Variants in COL6A3 observed in about 807,000 individuals in gnomAD.
COL6A3 encodes collagen type VI alpha 3 chain.
In COL6A3, 137 loss-of-function variants were observed where a neutral mutation model predicts 274.1. That is an observed-to-expected ratio of 0.50 (90% confidence interval 0.44 to 0.58). The LOEUF is 0.58. Ranked by LOEUF, COL6A3 falls within the 20% of genes least tolerant of loss-of-function variation. The pLI is 0.00. For missense variants in COL6A3, 3,950 were observed against 4,124.9 expected (o/e 0.96, Z 1.16); for synonymous variants, 1,650 against 1,650.6 (o/e 1.00, Z 0.01).
chr2:237,340,926 C>G lies in COL6A3; in HGVS notation c.7990G>C (p.Val2664Leu), dbSNP rs775630107. ...DPKASQHFAR[V>L]AVVQHAPSES... is the part of the protein sequence containing the mutation. ...GAGGGCGCGTGCTGCACAACTGCCA[C>G]TCTGGCGAAGTGCTGGGAGGCCTTG... Residue 2664 changes from valine to leucine, a missense_variant, in exon 38 of 44, where the codon GTG becomes CTG. By Grantham distance (32) the Val-to-Leu change is conservative. Coordinates refer to ENST00000295550, the MANE Select transcript of COL6A3 (RefSeq NM_004369.4). 3.7e-6 allele frequency: 6 copies of G among 1,613,398 alleles called. No homozygotes were observed. Among genetic ancestry groups the G allele is most frequent in the Non-Finnish European group, 5.1e-6 (6 of 1,179,370 alleles).
chr2:237,354,892 G>C lies in COL6A3; in HGVS notation c.6627+7C>G. Reference sequence around the variant, plus strand: ...AGAGTCTCCAGGGGGCACTGCATGAGGCTCACCTTAGCTCCGGGGGGTCCC... The same window carrying C: ...AGAGTCTCCAGGGGGCACTGCATGACGCTCACCTTAGCTCCGGGGGGTCCC... On this transcript the variant is annotated splice_region_variant and intron_variant, in intron 24 of 43. Transcript: ENST00000295550. 6.2e-7 allele frequency: 1 copy of C among 1,613,578 alleles called. No individual in the cohort carries two copies. Among genetic ancestry groups the C allele is most frequent in the Non-Finnish European group, 8.5e-7 (1 of 1,179,782 alleles).
Position 237,361,328 on chromosome 2 carries a change from G to A in COL6A3, c.6157-154C>T, listed in dbSNP as rs929863431. 2.0e-5 allele frequency among the ~76,000 whole-genome samples: 3 copies of A among 152,130 alleles called. No individual in the cohort carries two copies. The highest frequency in any genetic ancestry group is 7.2e-5 in the African/African-American group (3 of 41,436). On this transcript the variant is annotated intron_variant, in intron 15 of 43. Transcript: ENST00000295550. This position sits in a 1 kb window ranked among gnomAD's most constrained non-coding sequence, Gnocchi z 5.1. ...TTTTCCCCTCAGTACACCATGTCAC[G>A]ATTCTCTCTATCAGGATCTCTAAGG... is the stretch of plus-strand genomic sequence containing the variant.
intron 3 of COL6A3, among the ~76,000 whole-genome samples, chr2:237,389,062 T>C (rs555433365): frequency 2.0e-5 from 3 of 152,292 alleles, no homozygotes; most frequent in East Asian, 1.9e-4. Flanking sequence ...AGAAGGACCA[T>C]GAGCATCGAA....
At chr2:237,351,288 C>A in intron 26 of COL6A3, 96 bp from the exon 27 acceptor site, 1 of 1,191,396 alleles carries the variant, frequency 8.4e-7, no homozygotes, top group South Asian at 1.2e-5. Flanking sequence ...GAAGTCAGAG[C>A]CCGCCAGGGG....
chr2:237,355,283 A>T (rs2077294330), intron 23 of COL6A3: 2 of 271,766 alleles, frequency 7.4e-6, no homozygotes, highest in African/African-American at 4.3e-5. Flanking sequence ...TGAAAAGGGA[A>T]TGTCAACCTG....
chr2:237,380,551 A>C (rs2077975760), intron 5 of COL6A3, among the ~76,000 whole-genome samples: 1 of 152,208 alleles, frequency 6.6e-6, no homozygotes, highest in African/African-American at 2.4e-5. Context: ...GGAAAGCTAC[A>C]TCCTGGTGAT....
intron 3 of COL6A3, among the ~76,000 whole-genome samples, chr2:237,391,464 G>A (rs896134826): frequency 5.9e-5 from 9 of 152,128 alleles, no homozygotes; most frequent in Admixed American, 3.3e-4. Context: ...ATAACAAAAC[G>A]TCAATAAAAG....
intron 3 of COL6A3, among the ~76,000 whole-genome samples, chr2:237,393,129 T>C (rs533508536): frequency 2.0e-5 from 3 of 152,340 alleles, no homozygotes; most frequent in African/African-American, 7.2e-5. Context: ...ATTTCCTTAC[T>C]GAGAAAATTT....
At chr2:237,324,879 C>T (rs1287285600) in intron 43 of COL6A3, 65 bp from the exon 44 acceptor site, 4 of 1,537,484 alleles carry the variant, frequency 2.6e-6, no homozygotes, top group Non-Finnish European at 3.6e-6. Context: ...GGAAAAGCCA[C>T]ATTACTGACC....
chr2:237,349,847 T>C (rs2077169058), intron 28 of COL6A3, among the ~76,000 whole-genome samples: 1 of 152,216 alleles, frequency 6.6e-6, no homozygotes, highest in East Asian at 1.9e-4. Context: ...TTGCAAAGCA[T>C]TTGCGGGACC....
rs1199865498 is a variant in COL6A3, at chr2:237,348,673, G to A, written c.6880-10C>T. ...CTCTCCCGTCATCTCCCTAAGAGTGGGAAAGAGATGTGACTGTAGGTCGCC... is the reference window on the plus strand; with the variant it reads ...CTCTCCCGTCATCTCCCTAAGAGTGAGAAAGAGATGTGACTGTAGGTCGCC... On this transcript the variant is annotated splice_polypyrimidine_tract_variant and intron_variant, in intron 28 of 43. Transcript: ENST00000295550. 1 of 1,613,974 alleles carries A rather than the reference G, an allele frequency of 6.2e-7. No individual in the cohort carries two copies. Among genetic ancestry groups the A allele is most frequent in the Admixed American group, 1.7e-5 (1 of 60,022 alleles).
In COL6A3 at chr2:237,366,021, C is replaced by T. The variant is rs2077543530; in HGVS notation, c.5515G>A (p.Val1839Met). The change falls in exon 12 of 44, where the codon GTG becomes ATG. Residue 1839 changes from valine (V) to methionine (M), a missense_variant. By Grantham distance (21) the Val-to-Met change is conservative (BLOSUM62 1). This residue lies in a region of COL6A3 where 632 missense variants were observed against 623.4 expected (regional missense o/e 1.01). Coordinates refer to ENST00000295550, the MANE Select transcript of COL6A3 (RefSeq NM_004369.4). ...CTAGAACCATCAAACCCCAGAATCA[C>T]ATCCAGATTACAAGCTGGAAAGGAG... is the stretch of plus-strand genomic sequence containing the variant. The part of the protein sequence containing the change: ...TDAAKACNLD[V>M]ILGFDGSRDQ... 1 of 1,613,630 alleles carries T rather than the reference C, an allele frequency of 6.2e-7. No homozygotes were observed. Among genetic ancestry groups the T allele is most frequent in the Non-Finnish European group, 8.5e-7 (1 of 1,180,022 alleles).
At chr2:237,333,411 CT>C in intron 42 of COL6A3, 38 bp downstream of exon 42, 1 of 1,570,208 alleles carries the variant, frequency 6.4e-7, no homozygotes, top group Non-Finnish European at 8.8e-7. Flanking sequence ...TGGGTATTTT[CT>C]TAGTGCCATT....
chr2:237,393,130 G>A (rs948876934), intron 3 of COL6A3, among the ~76,000 whole-genome samples: 1 of 152,168 alleles, frequency 6.6e-6, no homozygotes, highest in Non-Finnish European at 1.5e-5. Context: ...TTTCCTTACT[G>A]AGAAAATTTT....
At chr2:237,409,431 C>T (rs932679142) in intron 1 of COL6A3, among the ~76,000 whole-genome samples, 1 of 152,134 alleles carries the variant, frequency 6.6e-6, no homozygotes, top group African/African-American at 2.4e-5. Context: ...TATATCCCCT[C>T]CCTGAACCTC....
chr2:237,383,950 T>C (rs2078077519), intron 4 of COL6A3, among the ~76,000 whole-genome samples: 1 of 152,188 alleles, frequency 6.6e-6, no homozygotes, highest in South Asian at 2.1e-4. Flanking sequence ...CCAGAGGCTC[T>C]GTCCCAGAGT....
At position 237,374,761 on chromosome 2, in the gene COL6A3, G is replaced by T. The variant is rs111328076; in HGVS notation, c.3330C>A (p.Ala1110=). 6.2e-7 allele frequency: 1 copy of T among 1,613,860 alleles called. No individual in the cohort carries two copies. The highest frequency in any genetic ancestry group is 8.5e-7 in the Non-Finnish European group (1 of 1,179,910). ...TGTTCCTCAGGACAAACTCCAGGGC[G>T]GCCCCGGTGTTGGGGGTCGGCCCTC... ...LLGGPTPNTG[A]ALEFVLRNIL... The change falls in exon 8 of 44, where the codon GCC becomes GCA. Residue 1110 remains alanine (A), a synonymous_variant. Coordinates refer to ENST00000295550, the MANE Select transcript of COL6A3 (RefSeq NM_004369.4). The surrounding 1 kb of genome is among the most constrained non-coding windows in gnomAD (Gnocchi z 4.8).
chr2:237,358,912 G>A lies in COL6A3; in HGVS notation c.6408+123C>T, dbSNP rs553939907. On this transcript the variant is annotated intron_variant, in intron 20 of 43. Transcript: ENST00000295550. Reference sequence around the variant, plus strand: ...GGGATGTAATGGGTGCACTCACAGGGGAGGTCAGGGAAGGCTGCCTGGAGG... The same window carrying A: ...GGGATGTAATGGGTGCACTCACAGGAGAGGTCAGGGAAGGCTGCCTGGAGG... The A allele has an allele frequency of 4.4e-4, 438 of 1,003,368 alleles. 2 individuals are homozygous for A. The highest frequency in any genetic ancestry group is 6.1e-4 in the Non-Finnish European group (381 of 624,360). 62.2% of individuals were successfully genotyped at this position (1,003,368 alleles called of 1,614,324 possible). A position where few individuals can be genotyped will look rare whatever the true frequency, so the allele number is the denominator to read the frequency against.
chr2:237,400,968 G>A (rs1232615359), intron 1 of COL6A3, among the ~76,000 whole-genome samples: 1 of 152,180 alleles, frequency 6.6e-6, no homozygotes, highest in African/African-American at 2.4e-5. Flanking sequence ...TTAACAGAAT[G>A]AAGGGGTGGA....
Sources: allele counts gnomAD v4.1 joint callset (sites outside exome capture counted in the v4.1 genomes callset), GRCh38; gene constraint gnomAD v4.1.1; regional missense constraint gnomAD v4.1.1; non-coding constraint Gnocchi (gnomAD v3.1); transcripts MANE v1.5; gene names NCBI Gene and HGNC (gene_info 2026-07-23, HGNC 2026-07-21).